HIBCH: variants seen among roughly 807,000 people sequenced by gnomAD.
HIBCH encodes 3-hydroxyisobutyryl-CoA hydrolase, also known as 3-hydroxyisobutyryl-CoA hydrolase, mitochondrial.
Under a neutral mutation model 58.2 loss-of-function variants are expected in HIBCH, and 50 were observed. That is an observed-to-expected ratio of 0.86 (90% CI 0.68 to 1.09). HIBCH has a LOEUF of 1.09. Ranked by LOEUF, HIBCH falls within the 50% of genes least tolerant of loss-of-function variation. The pLI is 0.00. For synonymous variants in HIBCH, 151 were observed against 146.9 expected (o/e 1.03, Z -0.20); for missense variants, 450 against 449.7 (o/e 1.00, Z -0.01).
chr2:190,310,713 CACAT>C (rs965234096), intron 2 of HIBCH, 37 bp downstream of exon 2: 4 of 1,488,154 alleles, frequency 2.7e-6, no homozygotes, highest in Non-Finnish European at 2.8e-6. Flanking sequence ...TTTTAAGTTA[CACAT>C]ACAAATAATG....
chr2:190,200,320 G>A (rs1690191434), downstream of HIBCH: 6 of 618,354 alleles, frequency 9.7e-6, no homozygotes, highest in Admixed American at 3.0e-5. Context: ...GTACTTCTAT[G>A]TTAACAGCAA....
Position 190,315,809 on chromosome 2 carries a change from C to CT in HIBCH, c.35+3906dup, listed in dbSNP as rs1203201351. 1.3e-5 allele frequency among the ~76,000 whole-genome samples: 2 copies of CT among 152,100 alleles called. No individual in the cohort carries two copies. The highest frequency in any genetic ancestry group is 2.9e-5 in the Non-Finnish European group (2 of 68,022). Reference sequence around the variant, plus strand: ...CAATGGAAAGGAATGTCAAAAATGACTTTAAGATTTCAAGCCAGGACAACC... The same window carrying CT: ...CAATGGAAAGGAATGTCAAAAATGACTTTTAAGATTTCAAGCCAGGACAACC... On this transcript the variant is annotated intron_variant, in intron 1 of 13. Coordinates refer to ENST00000359678, the MANE Select transcript of HIBCH (RefSeq NM_014362.4). The surrounding 1 kb of genome is among the most constrained non-coding windows in gnomAD (Gnocchi z 5.4).
chr2:190,296,915 T>C lies in HIBCH; in HGVS notation c.117A>G (p.Leu39=), dbSNP rs1688120239. 2.5e-6 allele frequency: 4 copies of C among 1,614,070 alleles called. No homozygotes were observed. The highest frequency in any genetic ancestry group is 2.2e-5 in the East Asian group (1 of 44,870). Residue 39 remains leucine (L), a synonymous_variant, in exon 3 of 14, where the codon CTA becomes CTG. Transcript: ENST00000359678. ...SKHTDAAEEV[L]LEKKGCTGVI... is the part of the protein sequence containing the mutation. ...CTCCCGTGCAACCTTTTTTTTCCAATAGCACCTCTTCTGCTGCATCTGTGT... is the reference window on the plus strand; with the variant it reads ...CTCCCGTGCAACCTTTTTTTTCCAACAGCACCTCTTCTGCTGCATCTGTGT...
chr2:190,310,863 A>T (rs549653240), intron 1 of HIBCH, 67 bp from the exon 2 acceptor site: 14 of 1,115,466 alleles, frequency 1.3e-5, no homozygotes, highest in Non-Finnish European at 1.9e-5. Context: ...GACAAATAGT[A>T]TATCACCTTT....
intron 11 of HIBCH, among the ~76,000 whole-genome samples, chr2:190,231,107 T>C (rs1327259592): frequency 1.3e-5 from 2 of 152,244 alleles, no homozygotes; most frequent in Middle Eastern, 3.4e-3. Flanking sequence ...TGCAATCCAA[T>C]GGGGAAGAAA....
chr2:190,260,493 T>C (rs1453169707), intron 7 of HIBCH: 4 of 152,184 alleles, frequency 2.6e-5, no homozygotes, highest in African/African-American at 9.7e-5. Flanking sequence ...GGCTTTTTTG[T>C]TGAAATCGAC....
intron 6 of HIBCH, among the ~76,000 whole-genome samples, chr2:190,272,961 A>C (rs917449718): frequency 3.9e-5 from 6 of 152,222 alleles, no homozygotes; most frequent in African/African-American, 1.4e-4. Context: ...CAAGCAGCAA[A>C]GGAACATCAC....
intron 11 of HIBCH, among the ~76,000 whole-genome samples, chr2:190,229,227 T>C (rs1461546229): frequency 2.0e-5 from 3 of 152,294 alleles, no homozygotes; most frequent in Middle Eastern, 3.4e-3. Flanking sequence ...CACTTTACTT[T>C]TAAAAAATGC....
chr2:190,306,576 T>C lies in HIBCH; in HGVS notation c.78+4178A>G, dbSNP rs1208787396. On this transcript the variant is annotated intron_variant, in intron 2 of 13. Coordinates refer to ENST00000359678, the MANE Select transcript of HIBCH (RefSeq NM_014362.4). The surrounding 1 kb of genome is among the most constrained non-coding windows in gnomAD (Gnocchi z 4.6). ...ATATAGGTCCTCTGTATCACTCCCC[T>C]GAGGCTTAAGCAAGAGAAACCTTGC... 6.6e-6 allele frequency among the ~76,000 whole-genome samples: 1 copy of C among 152,160 alleles called. No individual in the cohort carries two copies. Among genetic ancestry groups the C allele is most frequent in the Non-Finnish European group, 1.5e-5 (1 of 68,044 alleles).
intron 6 of HIBCH, 111 bp from the exon 7 acceptor site, chr2:190,261,345 C>A: frequency 1.3e-6 from 1 of 768,348 alleles, no homozygotes. Context: ...TCTTTATACT[C>A]CACAGGAACT....
chr2:190,195,612 A>G (rs1689932865), intron 1 of HIBCH, among the ~76,000 whole-genome samples: 1 of 152,178 alleles, frequency 6.6e-6, no homozygotes, highest in African/African-American at 2.4e-5. Context: ...TAGCTTGTTC[A>G]TATTTGTATT....
intron 2 of HIBCH, among the ~76,000 whole-genome samples, chr2:190,305,319 G>T (rs571849214): frequency 2.8e-4 from 43 of 152,262 alleles, no homozygotes; most frequent in Middle Eastern, 3.4e-3. Context: ...TCTGAAGGCT[G>T]CAAGTCTAAA....
chr2:190,199,252 T>TTGTG (rs1460678303), downstream of HIBCH, among the ~76,000 whole-genome samples: 1 of 152,174 alleles, frequency 6.6e-6, no homozygotes, highest in Non-Finnish European at 1.5e-5. Flanking sequence ...ATTTTAAGCT[T>TTGTG]TGTGGGCCAC....
intron 2 of HIBCH, among the ~76,000 whole-genome samples, chr2:190,301,386 T>C (rs561630499): frequency 4.6e-5 from 7 of 152,284 alleles, no homozygotes; most frequent in African/African-American, 1.7e-4. Flanking sequence ...CTAAGGACCT[T>C]AGTGTTTGTC....
chr2:190,192,898 T>C (rs1242266992), intron 1 of HIBCH, among the ~76,000 whole-genome samples: 2 of 152,136 alleles, frequency 1.3e-5, no homozygotes, highest in African/African-American at 4.8e-5. Flanking sequence ...TAAATTTTTT[T>C]TGGGGGGAGG....
chr2:190,274,012 G>A (rs1687479796), intron 6 of HIBCH, among the ~76,000 whole-genome samples: 1 of 152,124 alleles, frequency 6.6e-6, no homozygotes, highest in Admixed American at 6.5e-5. Flanking sequence ...ATATTGCCTA[G>A]GCTGGACTTG....
intron 8 of HIBCH, among the ~76,000 whole-genome samples, chr2:190,251,739 G>C (rs1168520675): frequency 6.7e-6 from 1 of 149,318 alleles, no homozygotes; most frequent in Non-Finnish European, 1.5e-5. Context: ...ATGTGTTTTA[G>C]AAAAGTCAAA....
At chr2:190,238,979 A>G (rs946937971) in intron 11 of HIBCH, among the ~76,000 whole-genome samples, 1 of 151,936 alleles carries the variant, frequency 6.6e-6, no homozygotes, top group Non-Finnish European at 1.5e-5. Flanking sequence ...ATTAGATCCT[A>G]TTTCTCAATT....
chr2:190,312,830 G>A (rs1205044717), intron 1 of HIBCH, among the ~76,000 whole-genome samples: 2 of 152,204 alleles, frequency 1.3e-5, no homozygotes, highest in Admixed American at 1.3e-4. Context: ...TGGGCATGGT[G>A]ACTCATGCCT....
Sources: gnomAD v4.1 joint callset for allele counts (sites outside exome capture counted in the v4.1 genomes callset) on GRCh38, gnomAD v4.1.1 for gene constraint, Gnocchi (gnomAD v3.1) non-coding constraint, MANE v1.5 for transcripts, NCBI Gene and HGNC (gene_info 2026-07-23, HGNC 2026-07-21) for gene names.